Variants in CCDC83 observed in about 807,000 individuals in gnomAD.
The protein encoded by CCDC83 is coiled-coil domain-containing protein 83.
Under a neutral mutation model 50.1 loss-of-function variants are expected in CCDC83, and 54 were observed. The ratio of observed to expected loss-of-function variants is 1.08; its 90% CI spans 0.87 to 1.35. The LOEUF (loss-of-function observed/expected upper bound fraction) is 1.35. Ranked by LOEUF, CCDC83 falls within the 40% of genes most tolerant of loss-of-function variation. The probability of loss-of-function intolerance (pLI) is 0.00; values close to 1 mark genes in which losing one functional copy is unlikely to be tolerated. For missense variants in CCDC83, 518 were observed against 473.9 expected, an observed-to-expected ratio of 1.09 and a Z score of -0.86; for synonymous variants, 161 against 153.3, an observed-to-expected ratio of 1.05 and a Z score of -0.37.
intron 7 of CCDC83, among the ~76,000 whole-genome samples, chr11:85,906,181 T>G (rs909274468): frequency 8.6e-5 from 13 of 151,634 alleles, no homozygotes; most frequent in Non-Finnish European, 1.8e-4. Context: ...TTCTCCTGCC[T>G]CAGCCTCCCA....
Position 85,882,576 on chromosome 11 carries a change from G to C in CCDC83, c.244G>C (p.Glu82Gln). 6.2e-7 allele frequency: 1 copy of C among 1,613,926 alleles called. No homozygotes were observed. Among genetic ancestry groups the C allele is most frequent in the East Asian group, 2.2e-5 (1 of 44,872 alleles). ...IRHLLKELSE[E>Q]KAEGLPVVTR... ...GCATCTACTAAAGGAACTGAGTGAA[G>C]AGAAGGCAGAGGGATTGCCAGTTGT... is the stretch of plus-strand genomic sequence containing the variant. The change falls in exon 4 of 11, where the codon GAG becomes CAG. Residue 82 changes from glutamate (E) to glutamine (Q), a missense_variant. Glu to Gln is a conservative substitution (Grantham distance 29). Transcript: ENST00000342404.
intron 7 of CCDC83, among the ~76,000 whole-genome samples, chr11:85,899,701 G>A (rs926835712): frequency 2.6e-5 from 4 of 152,074 alleles, no homozygotes; most frequent in Non-Finnish European, 5.9e-5. Context: ...CACAGAGCAG[G>A]CTATATCTTT....
intron 5 of CCDC83, among the ~76,000 whole-genome samples, chr11:85,893,955 C>A (rs1260045245): frequency 6.6e-6 from 1 of 152,054 alleles, no homozygotes; most frequent in Non-Finnish European, 1.5e-5. Flanking sequence ...AAGGAATGAA[C>A]AAATTGGACT....
intron 1 of CCDC83, among the ~76,000 whole-genome samples, chr11:85,859,176 A>AAAC (rs1555268272): frequency 2.7e-5 from 4 of 148,972 alleles, no homozygotes; most frequent in African/African-American, 7.4e-5. Flanking sequence ...AAAAAAAAAA[A>AAAC]AAAACCCCTA....
rs1565156677 is a variant in CCDC83 at position 85,911,373 on chromosome 11, C to T, written c.765C>T (p.Asn255=). Residue 255 remains asparagine (N), a synonymous_variant, in exon 8 of 11, where the codon AAC becomes AAT. Coordinates refer to ENST00000342404, the MANE Select transcript of CCDC83 (RefSeq NM_001286159.2). ...ENLVLIDQLS[N]CRLVDLKIPR... ...TGGTGCTTATTGATCAACTATCCAA[C>T]TGTAGACTTGTGGATCTCAAGATAC... 6.2e-6 allele frequency: 10 copies of T among 1,609,730 alleles called. No individual in the cohort carries two copies. The highest frequency in any genetic ancestry group is 1.3e-5 in the African/African-American group (1 of 74,712).
chr11:85,884,114 C>T (rs907998575), intron 4 of CCDC83, among the ~76,000 whole-genome samples: 1 of 152,114 alleles, frequency 6.6e-6, no homozygotes, highest in Non-Finnish European at 1.5e-5. Context: ...AGTTGAGATG[C>T]GCCTGTTGAT....
At chr11:85,857,560 G>C (rs899015169) in intron 1 of CCDC83, among the ~76,000 whole-genome samples, 6 of 152,172 alleles carry the variant, frequency 3.9e-5, no homozygotes, top group African/African-American at 1.4e-4. Context: ...GACCATGATT[G>C]GGGTCCACAA....
intron 5 of CCDC83, among the ~76,000 whole-genome samples, chr11:85,892,110 C>T (rs1364849679): frequency 6.6e-6 from 1 of 152,178 alleles, no homozygotes; most frequent in East Asian, 1.9e-4. Flanking sequence ...TAATAAAGCT[C>T]TCAACAGGCC....
intron 6 of CCDC83, among the ~76,000 whole-genome samples, chr11:85,898,413 A>T (rs1425349261): frequency 1.3e-5 from 2 of 152,184 alleles, no homozygotes; most frequent in Non-Finnish European, 2.9e-5. Flanking sequence ...GAACCTACTG[A>T]CAAAGTAAGA....
At chr11:85,908,685 T>C (rs919139411) in intron 7 of CCDC83, among the ~76,000 whole-genome samples, 4 of 151,852 alleles carry the variant, frequency 2.6e-5, no homozygotes, top group Non-Finnish European at 5.9e-5. Context: ...AGCAGCTTGC[T>C]TGAAGCCCAG....
chr11:85,903,627 T>G (rs1164576851), intron 7 of CCDC83, among the ~76,000 whole-genome samples: 2 of 152,164 alleles, frequency 1.3e-5, no homozygotes, highest in Non-Finnish European at 2.9e-5. Context: ...TTTAGAAATG[T>G]TCTTTTCACT....
Position 85,865,741 on chromosome 11 carries a change from A to G in CCDC83, c.95+523A>G, listed in dbSNP as rs544650464. 5.3e-5 allele frequency among the ~76,000 whole-genome samples: 8 copies of G among 152,038 alleles called. No homozygotes were observed. In the South Asian group the frequency reaches 1.7e-3, roughly 32 times the overall value. On this transcript the variant is annotated intron_variant, in intron 2 of 10. Transcript: ENST00000342404. ...GGTCTCCACTAAAAATCCAAAAATTAGTCGGGCATGGTGGCGCGTGCCTGT... is the reference window on the plus strand; with the variant it reads ...GGTCTCCACTAAAAATCCAAAAATTGGTCGGGCATGGTGGCGCGTGCCTGT...
chr11:85,915,352 G>T, intron 8 of CCDC83, 67 bp from the exon 9 acceptor site: 1 of 1,089,004 alleles, frequency 9.2e-7, no homozygotes. Flanking sequence ...TAGAGAGATA[G>T]ACCCTAGTAA....
intron 7 of CCDC83, among the ~76,000 whole-genome samples, chr11:85,905,768 G>C (rs1277760798): frequency 6.6e-6 from 1 of 151,576 alleles, no homozygotes; most frequent in Non-Finnish European, 1.5e-5. Flanking sequence ...AGAAGATCGA[G>C]ACCATCCTGG....
chr11:85,865,364 T>C (rs781075713), intron 2 of CCDC83, 146 bp downstream of exon 2: 90 of 604,442 alleles, frequency 1.5e-4, no homozygotes, highest in Admixed American at 6.5e-4. Flanking sequence ...ACTCTTGTGC[T>C]ATGCACATAT....
chr11:85,878,612 G>A (rs1352768326), intron 3 of CCDC83, among the ~76,000 whole-genome samples: 1 of 152,168 alleles, frequency 6.6e-6, no homozygotes, highest in Non-Finnish European at 1.5e-5. Context: ...CCAGTTATTG[G>A]ACATTTTACA....
intron 5 of CCDC83, 29 bp from the exon 6 acceptor site, chr11:85,895,264 C>CTTATTTT (rs755186736): frequency 1.7e-5 from 6 of 363,096 alleles, no homozygotes; most frequent in Middle Eastern, 8.8e-4. Flanking sequence ...TTTTAATTTT[C>CTTATTTT]TTTTTTTTTT....
At chr11:85,904,610 A>C (rs1423263186) in intron 7 of CCDC83, among the ~76,000 whole-genome samples, 1 of 152,202 alleles carries the variant, frequency 6.6e-6, no homozygotes, top group Admixed American at 6.5e-5. Context: ...TCTTCAGCAC[A>C]AACTGATGTG....
At chr11:85,858,184 C>T (rs898467359) in intron 1 of CCDC83, among the ~76,000 whole-genome samples, 6 of 152,190 alleles carry the variant, frequency 3.9e-5, no homozygotes, top group African/African-American at 1.2e-4. Flanking sequence ...CAAGTGATGG[C>T]GCAGACTGAG....
Sources: gnomAD v4.1 joint callset for allele counts (sites outside exome capture counted in the v4.1 genomes callset) on GRCh38, gnomAD v4.1.1 for gene constraint, MANE v1.5 for transcripts, NCBI Gene and HGNC (gene_info 2026-07-23, HGNC 2026-07-21) for gene names.